Variants in ZBTB38 observed in about 807,000 individuals in gnomAD.
ZBTB38 encodes zinc finger and BTB domain containing 38.
ZBTB38 carries 20 observed loss-of-function variants against 76.8 expected under a neutral mutation model. That is an observed-to-expected ratio of 0.26 (90% CI 0.18 to 0.38). ZBTB38 has a LOEUF of 0.38. Ranked by LOEUF, ZBTB38 falls within the 10% of genes least tolerant of loss-of-function variation. The probability of loss-of-function intolerance (pLI) is 1.00; values close to 1 mark genes in which losing one functional copy is unlikely to be tolerated. For synonymous variants in ZBTB38, 504 were observed against 544.2 expected (o/e 0.93, Z 1.03); for missense variants, 1,082 against 1,482.3 (o/e 0.73, Z 4.43).
In ZBTB38 at chr3:141,407,518, G is replaced by A. The variant is rs77740929; in HGVS notation, c.-1+3487G>A. Among the ~76,000 whole-genome samples the A allele has an allele frequency of 4.7e-3, 723 of 152,318 alleles. 12 individuals carry two copies. Among genetic ancestry groups the A allele is most frequent in the African/African-American group, 0.017 (689 of 41,562 alleles). On this transcript the variant is annotated intron_variant, in intron 5 of 5. Transcript: ENST00000321464. Reference sequence around the variant, plus strand: ...AAATTTATATATTGTGCATCTACACGTAAAGCCTTATCTTTAAGACTCATT... The same window carrying A: ...AAATTTATATATTGTGCATCTACACATAAAGCCTTATCTTTAAGACTCATT...
chr3:141,401,859 C>T (rs1011357177), intron 4 of ZBTB38, among the ~76,000 whole-genome samples: 2 of 152,176 alleles, frequency 1.3e-5, no homozygotes, highest in Non-Finnish European at 2.9e-5. Flanking sequence ...AGTTTCTGTG[C>T]CACGTTGGGA....
chr3:141,433,742 G>T (rs2078126604), intron 5 of ZBTB38, among the ~76,000 whole-genome samples: 1 of 152,188 alleles, frequency 6.6e-6, no homozygotes, highest in Admixed American at 6.5e-5. Context: ...CCTGCCTTCA[G>T]CCGTGGTATG....
intron 1 of ZBTB38, among the ~76,000 whole-genome samples, chr3:141,356,706 C>A (rs1207186086): frequency 1.3e-5 from 2 of 151,244 alleles, no homozygotes; most frequent in Non-Finnish European, 3.0e-5. Context: ...TCAGTCCAGG[C>A]AAATATGGGC....
intron 4 of ZBTB38, chr3:141,402,983 G>T (rs1952848698): frequency 6.6e-6 from 1 of 152,238 alleles, no homozygotes; most frequent in Admixed American, 6.5e-5. Flanking sequence ...CCTGCCCCCA[G>T]GGGTTTGCAG....
At chr3:141,339,928 G>A (rs1431261867) in intron 1 of ZBTB38, among the ~76,000 whole-genome samples, 2 of 152,204 alleles carry the variant, frequency 1.3e-5, no homozygotes, top group Non-Finnish European at 2.9e-5. Context: ...TGGGAATTAA[G>A]TAAAACTATT....
intron 1 of ZBTB38, among the ~76,000 whole-genome samples, chr3:141,359,124 G>C (rs1405521299): frequency 6.6e-6 from 1 of 152,208 alleles, no homozygotes; most frequent in African/African-American, 2.4e-5. Flanking sequence ...GGTGGTTCTC[G>C]AGTTGGCCCA....
At chr3:141,342,414 A>G (rs1379708883) in intron 1 of ZBTB38, among the ~76,000 whole-genome samples, 1 of 148,950 alleles carries the variant, frequency 6.7e-6, no homozygotes, top group African/African-American at 2.5e-5. Context: ...AAAAAAAAGT[A>G]ACAATGGTTA....
At chr3:141,396,337 AT>A (rs1950353274) in intron 4 of ZBTB38, 1 of 153,646 alleles carries the variant, frequency 6.5e-6, no homozygotes, top group African/African-American at 2.4e-5. Flanking sequence ...GCAACTCCTC[AT>A]CTGATCAAGT....
chr3:141,329,019 C>T lies in ZBTB38; in HGVS notation c.-739+4563C>T, dbSNP rs1942761916. Among the ~76,000 whole-genome samples the T allele has an allele frequency of 2.0e-5, 3 of 152,208 alleles. No individual in the cohort carries two copies. In the South Asian group the frequency reaches 6.2e-4, roughly 31 times the overall value. On this transcript the variant is annotated intron_variant, in intron 1 of 7. Transcript: ENST00000509842. ...CTCCCCGTCCCCCAGTCGTGCATAG[C>T]TCTGCCATTGCTCTCATTCTTTCAT...
intron 5 of ZBTB38, among the ~76,000 whole-genome samples, chr3:141,418,573 A>G (rs1211243273): frequency 6.6e-6 from 1 of 152,192 alleles, no homozygotes; most frequent in Non-Finnish European, 1.5e-5. Flanking sequence ...TGAATGAGGG[A>G]AGAAATAAAA....
At chr3:141,403,113 C>T (rs1952919643) in intron 4 of ZBTB38, 1 of 152,222 alleles carries the variant, frequency 6.6e-6, no homozygotes, top group Admixed American at 6.5e-5. Context: ...AGATTTTAGT[C>T]TGTCCGCGGT....
At chr3:141,415,434 A>G (rs1577219087) in intron 5 of ZBTB38, among the ~76,000 whole-genome samples, 1 of 151,992 alleles carries the variant, frequency 6.6e-6, no homozygotes, top group South Asian at 2.1e-4. Context: ...GACATTTGCT[A>G]CCCCCAGTGT....
chr3:141,415,258 T>C (rs1409881758), intron 5 of ZBTB38, among the ~76,000 whole-genome samples: 1 of 152,172 alleles, frequency 6.6e-6, no homozygotes, highest in Non-Finnish European at 1.5e-5. Context: ...GTTGTAGGAG[T>C]TGGGCTTTTA....
intron 5 of ZBTB38, among the ~76,000 whole-genome samples, chr3:141,425,837 C>T (rs1318850128): frequency 6.6e-6 from 1 of 152,214 alleles, no homozygotes; most frequent in African/African-American, 2.4e-5. Context: ...GGTTTGAATC[C>T]CAGCTCTGCC....
intron 4 of ZBTB38, among the ~76,000 whole-genome samples, chr3:141,396,827 T>G (rs1950448918): frequency 6.6e-6 from 1 of 152,234 alleles, no homozygotes; most frequent in Admixed American, 6.5e-5. Flanking sequence ...ATCTTTTCTC[T>G]GAGCAGTAGG....
Position 141,385,649 on chromosome 3 carries a change from AGTGTGT to A in ZBTB38, c.-171-1197_-171-1192del, listed in dbSNP as rs10617390. Among the ~76,000 whole-genome samples the A allele has an allele frequency of 5.6e-3, 818 of 147,134 alleles. 6 individuals carry two copies. Among genetic ancestry groups the A allele is most frequent in the African/African-American group, 0.017 (671 of 40,090 alleles). On this transcript the variant is annotated intron_variant, in intron 3 of 5. Transcript: ENST00000321464. ...ACATTTCATTGCAATTCGAGCTTTG[AGTGTGT>A]GTGTGTGTGTGTGTGTGTGTGTGTG...
rs1184324139 is a variant in ZBTB38 at position 141,380,921 on chromosome 3, TC to T, written c.-234-503del. Among the ~76,000 whole-genome samples the T allele has an allele frequency of 2.8e-4, 43 of 152,226 alleles. 1 individual carries two copies. Among genetic ancestry groups the T allele is most frequent in the Admixed American group, 2.6e-3 (40 of 15,284 alleles). ...AAGATATAAAGAGAAGATTATGCTCTCACATGAGGTGGATTTTTATGGATCT... is the reference window on the plus strand; with the variant it reads ...AAGATATAAAGAGAAGATTATGCTCTACATGAGGTGGATTTTTATGGATCT... On this transcript the variant is annotated intron_variant, in intron 2 of 5. Transcript: ENST00000321464.
chr3:141,415,232 T>C (rs1220769506), intron 5 of ZBTB38, among the ~76,000 whole-genome samples: 1 of 152,224 alleles, frequency 6.6e-6, no homozygotes, highest in East Asian at 1.9e-4. Context: ...CTGTCCTGTT[T>C]ACGTCACCCA....
intron 5 of ZBTB38, among the ~76,000 whole-genome samples, chr3:141,431,359 G>C (rs1197460646): frequency 1.5e-5 from 2 of 131,588 alleles, no homozygotes; most frequent in Non-Finnish European, 3.1e-5. Context: ...TATATATTTG[G>C]GGGGGACTCT....
Sources: gnomAD v4.1 joint callset for allele counts (sites outside exome capture counted in the v4.1 genomes callset) on GRCh38, gnomAD v4.1.1 for gene constraint, MANE v1.5 for transcripts, NCBI Gene and HGNC (gene_info 2026-07-23, HGNC 2026-07-21) for gene names.